The following IFT122 variants were observed in gnomAD, a reference collection of about 807,000 sequenced individuals.
IFT122 encodes intraflagellar transport 122, also known as intraflagellar transport protein 122 homolog.
A neutral mutation model predicts 161.6 loss-of-function variants in IFT122; 118 were observed. The ratio of observed to expected loss-of-function variants is 0.73; its 90% CI spans 0.63 to 0.85. The LOEUF (loss-of-function observed/expected upper bound fraction) is 0.85. Among genes scored for constraint, IFT122 ranks in the 40% least tolerant of loss-of-function variants. IFT122 has a pLI of 0.00. For synonymous variants in IFT122, 550 were observed against 602.4 expected (o/e 0.91, Z 1.27); for missense variants, 1,381 against 1,579.6 (o/e 0.87, Z 2.13).
At position 129,488,419 on chromosome 3, in the gene IFT122, G is replaced by C. The variant is rs770227964; in HGVS notation, c.1992+22G>C. 6.3e-5 allele frequency: 102 copies of C among 1,613,898 alleles called. No homozygotes were observed. In the Admixed American group the frequency reaches 1.6e-3, roughly 25 times the overall value. On this transcript the variant is annotated intron_variant, in intron 16 of 29. Transcript: ENST00000348417. Reference sequence around the variant, plus strand: ...GAAGGTAAGCATCTAGCCAGCAGGAGCTGGAGTTTGGTCCTTGTGGGGTCC... The same window carrying C: ...GAAGGTAAGCATCTAGCCAGCAGGACCTGGAGTTTGGTCCTTGTGGGGTCC...
Position 129,519,100 on chromosome 3 carries a change from C to G in IFT122, c.3392-7C>G, listed in dbSNP as rs752071054. On this transcript the variant is annotated splice_region_variant and splice_polypyrimidine_tract_variant and intron_variant, in intron 27 of 29. Coordinates refer to ENST00000348417, the MANE Select transcript of IFT122 (RefSeq NM_052989.3). ...TTCTGATTCCATCCTTGACCAGATC[C>G]CTCCAGGCTCCCAGATTCTGCGGCT... is the stretch of plus-strand genomic sequence containing the variant. 11 of 1,613,388 alleles carry G rather than the reference C, an allele frequency of 6.8e-6. No individual in the cohort carries two copies. Among genetic ancestry groups the G allele is most frequent in the East Asian group, 2.2e-5 (1 of 44,876 alleles).
In IFT122 at chr3:129,514,543, C is replaced by T; in HGVS notation, c.3142C>T (p.His1048Tyr). ...CCTGACCATCCGCGCCAAGCCCTTCCACGACAGTGAGGTGAGGATGCAGCA... is the reference window on the plus strand; with the variant it reads ...CCTGACCATCCGCGCCAAGCCCTTCTACGACAGTGAGGTGAGGATGCAGCA... Reference protein sequence around the residue: ...GTLTIRAKPFHDSEELVPLCY... With the variant: ...GTLTIRAKPFYDSEELVPLCY... The change falls in exon 25 of 30, where the codon CAC becomes TAC. Residue 1048 changes from histidine (H) to tyrosine (Y), a missense_variant. Transcript: ENST00000348417. 1 of 1,614,222 alleles carries T rather than the reference C, an allele frequency of 6.2e-7. No individual in the cohort carries two copies. The highest frequency in any genetic ancestry group is 8.5e-7 in the Non-Finnish European group (1 of 1,180,036).
intron 15 of IFT122, chr3:129,483,890 CTGAG>C (rs1412791856): frequency 3.2e-6 from 2 of 632,012 alleles, no homozygotes; most frequent in African/African-American, 3.6e-5. Flanking sequence ...CTCAACCTCC[CTGAG>C]TATCAGTTTC....
intron 3 of IFT122, among the ~76,000 whole-genome samples, chr3:129,455,808 G>T (rs1055098194): frequency 7.2e-5 from 11 of 151,840 alleles, no homozygotes; most frequent in Non-Finnish European, 1.5e-4. Context: ...AATGTTAATT[G>T]AGAAAAAAGA....
rs1368477775 is a variant in IFT122 at position 129,458,582 on chromosome 3, T to A, written c.194-17T>A. 6.2e-7 allele frequency: 1 copy of A among 1,610,238 alleles called. No homozygotes were observed. Among genetic ancestry groups the A allele is most frequent in the East Asian group, 2.2e-5 (1 of 44,854 alleles). On this transcript the variant is annotated splice_polypyrimidine_tract_variant and intron_variant, in intron 3 of 29. Coordinates refer to ENST00000348417, the MANE Select transcript of IFT122 (RefSeq NM_052989.3). ...TTAAGATAAATGTAAGACTTTCCAT[T>A]TTACAAACACTTTTAGGCAAGCGCT...
intron 21 of IFT122, among the ~76,000 whole-genome samples, chr3:129,506,127 CT>C: frequency 6.6e-6 from 1 of 152,322 alleles, no homozygotes; most frequent in Non-Finnish European, 1.5e-5. Flanking sequence ...CACTCTTAGA[CT>C]TTGCCCTGGA....
chr3:129,459,197 A>G, intron 4 of IFT122: 1 of 416,240 alleles, frequency 2.4e-6, no homozygotes, highest in South Asian at 1.8e-5. Flanking sequence ...GGCATTTCTC[A>G]CAATTGCAGT....
chr3:129,512,382 C>T lies in IFT122; in HGVS notation c.2957C>T (p.Pro986Leu). The change falls in exon 24 of 30, where the codon CCC becomes CTC. Residue 986 changes from proline (P) to leucine (L), a missense_variant. Pro to Leu is a moderately conservative substitution (Grantham distance 98, BLOSUM62 -3). Coordinates refer to ENST00000348417, the MANE Select transcript of IFT122 (RefSeq NM_052989.3). Reference sequence around the variant, plus strand: ...TCCAGGTTCCTGCTGCACAGCCTGCCCAAGGACACCCCCTCGGGCATCTCT... The same window carrying T: ...TCCAGGTTCCTGCTGCACAGCCTGCTCAAGGACACCCCCTCGGGCATCTCT... ...NISRFLLHSL[P>L]KDTPSGISKV... The T allele has an allele frequency of 6.2e-7, 1 of 1,613,386 alleles. No homozygotes were observed. The highest frequency in any genetic ancestry group is 8.5e-7 in the Non-Finnish European group (1 of 1,179,322).
In IFT122 at chr3:129,476,543, T is replaced by A. The variant is rs371765365; in HGVS notation, c.1008+37T>A. On this transcript the variant is annotated intron_variant, in intron 10 of 29. Transcript: ENST00000348417. Reference sequence around the variant, plus strand: ...AAGTTTGTTCTGTGGGGCCATGGCTTGAAGAGGCACTGAGCAGCCGCCGTG... The same window carrying A: ...AAGTTTGTTCTGTGGGGCCATGGCTAGAAGAGGCACTGAGCAGCCGCCGTG... 12 of 1,613,712 alleles carry A rather than the reference T, an allele frequency of 7.4e-6. No homozygotes were observed. The African/African-American group carries it at 1.5e-4, about 20-fold the overall frequency.
chr3:129,479,307 C>T (rs1032447848), intron 12 of IFT122, among the ~76,000 whole-genome samples: 5 of 151,230 alleles, frequency 3.3e-5, no homozygotes, highest in Admixed American at 2.6e-4. Flanking sequence ...TGTGGTGGCG[C>T]TTGCCTGTAG....
chr3:129,465,888 C>T lies in IFT122; in HGVS notation c.564-1002C>T, dbSNP rs1423790038. On this transcript the variant is annotated intron_variant, in intron 7 of 29. Coordinates refer to ENST00000348417, the MANE Select transcript of IFT122 (RefSeq NM_052989.3). Reference sequence around the variant, plus strand: ...CGATCTCCTGACCTCATGATCCACCCGCCTCGGCCTCCCAAAGTGCTGGGA... The same window carrying T: ...CGATCTCCTGACCTCATGATCCACCTGCCTCGGCCTCCCAAAGTGCTGGGA... 2.8e-5 allele frequency among the ~76,000 whole-genome samples: 4 copies of T among 144,756 alleles called. 1 individual carries two copies. The highest frequency in any genetic ancestry group is 5.9e-5 in the Non-Finnish European group (4 of 67,528). 95.0% of individuals were successfully genotyped at this position (144,756 alleles called of 152,430 possible).
chr3:129,494,623 G>A (rs1230285526), intron 17 of IFT122, among the ~76,000 whole-genome samples: 1 of 152,100 alleles, frequency 6.6e-6, no homozygotes, highest in Non-Finnish European at 1.5e-5. Flanking sequence ...ACAAATACTC[G>A]AGCTGTAGAC....
At chr3:129,481,926 T>A (rs1213154034) in intron 14 of IFT122, among the ~76,000 whole-genome samples, 3 of 152,196 alleles carry the variant, frequency 2.0e-5, no homozygotes, top group Non-Finnish European at 2.9e-5. Context: ...TCCTTGCCAA[T>A]GGAAACCGAA....
chr3:129,478,634 C>A (rs758292661), intron 12 of IFT122, among the ~76,000 whole-genome samples: 1 of 151,850 alleles, frequency 6.6e-6, no homozygotes, highest in African/African-American at 2.4e-5. Flanking sequence ...AGTAGAGACG[C>A]GAGGCTGTAC....
chr3:129,490,054 G>C (rs866108338), intron 16 of IFT122, among the ~76,000 whole-genome samples: 2 of 151,896 alleles, frequency 1.3e-5, no homozygotes, highest in Non-Finnish European at 2.9e-5. Flanking sequence ...ATTGAGACGG[G>C]GACTCACTGT....
chr3:129,449,154 T>A (rs898954107), intron 1 of IFT122, among the ~76,000 whole-genome samples: 1 of 152,202 alleles, frequency 6.6e-6, no homozygotes, highest in Non-Finnish European at 1.5e-5. Flanking sequence ...AGCTCCTGTA[T>A]CACTGCGTCT....
At chr3:129,451,777 G>C in intron 2 of IFT122, 137 bp from the exon 3 acceptor site, 1 of 751,380 alleles carries the variant, frequency 1.3e-6, no homozygotes, top group Non-Finnish European at 2.3e-6. Flanking sequence ...TTTTGGTTTT[G>C]CAGTGCAGTT....
At chr3:129,516,879 CAGACCGCTCCTGCACACAGACACACAG>C (rs1219385587) in intron 26 of IFT122, among the ~76,000 whole-genome samples, 1 of 142,148 alleles carries the variant, frequency 7.0e-6, no homozygotes. Context: ...TGCACACACA[CAGACCGCTCCTGCACACAGACACACAG>C]AGACCGCTCC....
Position 129,495,550 on chromosome 3 carries a change from G to A in IFT122, c.2151G>A (p.Gly717=). The A allele has an allele frequency of 1.9e-6, 3 of 1,614,178 alleles. No homozygotes were observed. Among genetic ancestry groups the A allele is most frequent in the East Asian group, 2.2e-5 (1 of 44,878 alleles). Residue 717 remains glycine, a synonymous_variant, in exon 18 of 30, where the codon GGG becomes GGA. Transcript: ENST00000348417. ...CCGCCAAACTGTACAAGAGGAGTGG[G>A]CACGAGAACCTCGCGCTTGAAATGT... ...HEAAKLYKRS[G]HENLALEMYT... is the part of the protein sequence containing the mutation.
Sources: allele counts gnomAD v4.1 joint callset (sites outside exome capture counted in the v4.1 genomes callset), GRCh38; gene constraint gnomAD v4.1.1; transcripts MANE v1.5; gene names NCBI Gene and HGNC (gene_info 2026-07-23, HGNC 2026-07-21).